LCE1D: variants seen among roughly 807,000 people sequenced by gnomAD.
LCE1D encodes the protein late cornified envelope protein 1D.
For missense variants in LCE1D, 86 were observed against 164.4 expected (o/e 0.52, Z 2.61); for synonymous variants, 44 against 65.0 (o/e 0.68, Z 1.55).
chr1:152,797,591 T>C (rs1652093624), intron 1 of LCE1D, among the ~76,000 whole-genome samples, 182 bp from the exon 2 acceptor site: 1 of 135,728 alleles, frequency 7.4e-6, no homozygotes, highest in Non-Finnish European at 1.7e-5. Flanking sequence ...TATTGTTTAG[T>C]CTTAGTTTAC....
In LCE1D at chr1:152,797,970, A is replaced by C. The variant is rs7527180; in HGVS notation, c.176A>C (p.Asn59Thr). The change falls in exon 2 of 2, where the codon AAC becomes ACC. Residue 59 changes from asparagine to threonine, a missense_variant. By Grantham distance (65) the Asn-to-Thr change is moderately conservative (BLOSUM62 0). Coordinates refer to ENST00000326233, the MANE Select transcript of LCE1D (RefSeq NM_178352.3). ...GSSSGGGCGS[N>T]SGGCCSSGGG... ...AGCTCTGGGGGCGGCTGTGGCTCCA[A>C]CTCTGGGGGCTGCTGCAGCTCTGGG... is the stretch of plus-strand genomic sequence containing the variant. The C allele has an allele frequency of 7.1e-7, 1 of 1,403,294 alleles. No homozygotes were observed. 86.9% of individuals were successfully genotyped at this position (1,403,294 alleles called of 1,614,324 possible).
rs1409304521 is a variant in LCE1D, at chr1:152,796,988, T to C, written c.-23+217T>C. Among the ~76,000 whole-genome samples, 2 of 135,346 alleles carry C rather than the reference T, an allele frequency of 1.5e-5. 1 individual carries two copies. The highest frequency in any genetic ancestry group is 3.4e-5 in the Non-Finnish European group (2 of 58,816). 88.8% of individuals were successfully genotyped at this position (135,346 alleles called of 152,430 possible). A position where few individuals can be genotyped will look rare whatever the true frequency, so the allele number is the denominator to read the frequency against. On this transcript the variant is annotated intron_variant, in intron 1 of 1. Transcript: ENST00000326233. ...TTGAACTCTAGAGGAAACAAACTGCTCTGGGATGAGGTGGGTGTTCCAGAG... is the reference window on the plus strand; with the variant it reads ...TTGAACTCTAGAGGAAACAAACTGCCCTGGGATGAGGTGGGTGTTCCAGAG...
At position 152,797,423 on chromosome 1, in the gene LCE1D, C is replaced by G. The variant is rs1309255477; in HGVS notation, c.-22-350C>G. ...TGCTGACCTTCCAAAGTAAAATCGTCTTGCAAATTATGACCAGAGAGAATG... is the reference window on the plus strand; with the variant it reads ...TGCTGACCTTCCAAAGTAAAATCGTGTTGCAAATTATGACCAGAGAGAATG... On this transcript the variant is annotated intron_variant, in intron 1 of 1. Coordinates refer to ENST00000326233, the MANE Select transcript of LCE1D (RefSeq NM_178352.3). Among the ~76,000 whole-genome samples, 4 of 135,782 alleles carry G rather than the reference C, an allele frequency of 2.9e-5. 2 individuals carry two copies. The highest frequency in any genetic ancestry group is 1.1e-4 in the African/African-American group (4 of 38,034). 89.1% of individuals were successfully genotyped at this position (135,782 alleles called of 152,430 possible).
In LCE1D at chr1:152,797,816, C is replaced by A. The variant is rs1388998237; in HGVS notation, c.22C>A (p.Gln8Lys). ...CGAGATGTCCTGCCAGCAGAGCCAG[C>A]AGCAGTGCCAGCCCCCTCCCAAGTG... MSCQQSQ[Q>K]QCQPPPKCTP... The change falls in exon 2 of 2, where the codon CAG (glutamine) becomes AAG (lysine). Residue 8 changes from glutamine (Q) to lysine (K), a missense_variant. Physicochemically the swap from Gln to Lys is moderately conservative, Grantham distance 53 (BLOSUM62 1). Coordinates refer to ENST00000326233, the MANE Select transcript of LCE1D (RefSeq NM_178352.3). 6 of 1,438,724 alleles carry A rather than the reference C, an allele frequency of 4.2e-6. 1 individual carries two copies. The South Asian group carries it at 6.9e-5, about 16-fold the overall frequency. 89.1% of individuals were successfully genotyped at this position (1,438,724 alleles called of 1,614,324 possible).
chr1:152,797,721 G>T, intron 1 of LCE1D, 52 bp from the exon 2 acceptor site: 1 of 1,156,230 alleles, frequency 8.6e-7, no homozygotes, highest in Non-Finnish European at 1.3e-6. Flanking sequence ...AGTGTCACAG[G>T]GGCAGAGGTG....
rs142122466 is a variant in LCE1D, at chr1:152,798,058, C to T, written c.264C>T (p.Ser88=). The T allele has an allele frequency of 2.1e-6, 3 of 1,436,520 alleles. 1 individual carries two copies. Among genetic ancestry groups the T allele is most frequent in the African/African-American group, 2.9e-5 (2 of 69,500 alleles). 89.0% of individuals were successfully genotyped at this position (1,436,520 alleles called of 1,614,324 possible). ...RHRSHRRRPQ[S]SDCCSQPSGG... The stretch of plus-strand genomic sequence containing the variant: ...GGTCCCACCGTCGCAGACCCCAGAG[C>T]TCTGACTGCTGCAGCCAGCCCTCGG... The change falls in exon 2 of 2, where the codon AGC becomes AGT. Residue 88 remains serine (S), a synonymous_variant. Transcript: ENST00000326233.
In LCE1D at chr1:152,797,835, C is replaced by T. The variant is rs764190871; in HGVS notation, c.41C>T (p.Pro14Leu). ...QQSQQQCQPPPKCTPKCTPKC... is the reference protein window; with the variant it reads ...QQSQQQCQPPLKCTPKCTPKC... ...AGCCAGCAGCAGTGCCAGCCCCCTC[C>T]CAAGTGCACTCCCAAGTGCACTCCC... is the stretch of plus-strand genomic sequence containing the variant. Residue 14 changes from proline to leucine, a missense_variant, in exon 2 of 2, where the codon CCC becomes CTC. By Grantham distance (98) the Pro-to-Leu change is moderately conservative. Coordinates refer to ENST00000326233, the MANE Select transcript of LCE1D (RefSeq NM_178352.3). 12 of 1,436,404 alleles carry T rather than the reference C, an allele frequency of 8.4e-6. 2 individuals are homozygous for T. The African/African-American group carries it at 1.5e-4, about 17-fold the overall frequency. The allele number at this position is 1,436,404 out of a possible 1,614,324, so 89.0% of individuals were successfully genotyped here.
Position 152,797,723 on chromosome 1 carries a change from G to T in LCE1D, c.-22-50G>T. 2 of 1,205,798 alleles carry T rather than the reference G, an allele frequency of 1.7e-6. 1 individual carries two copies. The highest frequency in any genetic ancestry group is 2.4e-6 in the Non-Finnish European group (2 of 830,032). The allele number at this position is 1,205,798 out of a possible 1,614,324, so 74.7% of individuals were successfully genotyped here. A position where few individuals can be genotyped will look rare whatever the true frequency, so the allele number is the denominator to read the frequency against. On this transcript the variant is annotated intron_variant, in intron 1 of 1. Coordinates refer to ENST00000326233, the MANE Select transcript of LCE1D (RefSeq NM_178352.3). The stretch of plus-strand genomic sequence containing the variant: ...GAGAGGTGCTAAGAGTGTCACAGGG[G>T]CAGAGGTGGCCTCTGCCTGGGTCTG...
At position 152,797,767 on chromosome 1, in the gene LCE1D, C is replaced by T. The variant is rs763990407; in HGVS notation, c.-22-6C>T. The T allele has an allele frequency of 7.0e-6, 10 of 1,426,904 alleles. 1 individual carries two copies. Among genetic ancestry groups the T allele is most frequent in the Non-Finnish European group, 9.8e-6 (10 of 1,024,282 alleles). 88.4% of individuals were successfully genotyped at this position (1,426,904 alleles called of 1,614,324 possible). ...GGGTCTGACTTGTTATTTGACTCTC[C>T]CTCAGCTCCTGAACACCCACCACCG... On this transcript the variant is annotated splice_region_variant and splice_polypyrimidine_tract_variant and intron_variant, in intron 1 of 1. Coordinates refer to ENST00000326233, the MANE Select transcript of LCE1D (RefSeq NM_178352.3).
chr1:152,797,958 G>T lies in LCE1D; in HGVS notation c.164G>T (p.Gly55Val). 1 of 1,479,790 alleles carries T rather than the reference G, an allele frequency of 6.8e-7. No individual in the cohort carries two copies. The highest frequency in any genetic ancestry group is 9.3e-7 in the Non-Finnish European group (1 of 1,071,012). 91.7% of individuals were successfully genotyped at this position (1,479,790 alleles called of 1,614,324 possible). ...GGCCGSSSGG[G>V]CGSNSGGCCS... The stretch of plus-strand genomic sequence containing the variant: ...TGCTGTGGCTCCAGCTCTGGGGGCG[G>T]CTGTGGCTCCAACTCTGGGGGCTGC... The change falls in exon 2 of 2, where the codon GGC becomes GTC. Residue 55 changes from glycine (G) to valine (V), a missense_variant. Gly to Val is a moderately radical substitution (Grantham distance 109). Coordinates refer to ENST00000326233, the MANE Select transcript of LCE1D (RefSeq NM_178352.3).
rs765996981 is a variant in LCE1D, at chr1:152,797,993, G to C, written c.199G>C (p.Gly67Arg). ...CAACTCTGGGGGCTGCTGCAGCTCT[G>C]GGGGTGGTGGCTGCTGCCTGAGCCA... ...GSNSGGCCSS[G>R]GGGCCLSHHR... is the part of the protein sequence containing the mutation. Residue 67 changes from glycine (G) to arginine (R), a missense_variant, in exon 2 of 2, where the codon GGG becomes CGG. Transcript: ENST00000326233. 1.5e-5 allele frequency: 22 copies of C among 1,440,392 alleles called. 1 individual carries two copies. The South Asian group carries it at 2.5e-4, about 16-fold the overall frequency. 89.2% of individuals were successfully genotyped at this position (1,440,392 alleles called of 1,614,324 possible).
intron 1 of LCE1D, among the ~76,000 whole-genome samples, chr1:152,797,015 G>A (rs1313717448): frequency 7.4e-6 from 1 of 135,688 alleles, no homozygotes; most frequent in African/African-American, 2.6e-5. Flanking sequence ...GTTCCAGAGT[G>A]GGAACTTTGA....
At position 152,798,105 on chromosome 1, in the gene LCE1D, G is replaced by A. The variant is rs1652111104; in HGVS notation, c.311G>A (p.Gly104Glu). The change falls in exon 2 of 2, where the codon GGG becomes GAG. Residue 104 changes from glycine to glutamate, a missense_variant. Coordinates refer to ENST00000326233, the MANE Select transcript of LCE1D (RefSeq NM_178352.3). Reference sequence around the variant, plus strand: ...TCGGGGGGCTCCAGCTGCTGCGGTGGGGGCAGCAGCCAGCACTCTGGAGGC... The same window carrying A: ...TCGGGGGGCTCCAGCTGCTGCGGTGAGGGCAGCAGCCAGCACTCTGGAGGC... Reference protein sequence around the residue: ...QPSGGSSCCGGGSSQHSGGCC With the variant: ...QPSGGSSCCGEGSSQHSGGCC The A allele has an allele frequency of 7.0e-7, 1 of 1,418,954 alleles. No homozygotes were observed. Among genetic ancestry groups the A allele is most frequent in the Non-Finnish European group, 9.8e-7 (1 of 1,022,432 alleles). 87.9% of individuals were successfully genotyped at this position (1,418,954 alleles called of 1,614,324 possible).
Position 152,797,539 on chromosome 1 carries a change from C to T in LCE1D, c.-22-234C>T, listed in dbSNP as rs1210400789. On this transcript the variant is annotated intron_variant, in intron 1 of 1. Coordinates refer to ENST00000326233, the MANE Select transcript of LCE1D (RefSeq NM_178352.3). ...TAAGATATATTTGTAATAATTTCTT[C>T]CTCCACTGACAACACATCAGAATCT... 2.9e-5 allele frequency among the ~76,000 whole-genome samples: 4 copies of T among 135,596 alleles called. No individual in the cohort carries two copies. In the East Asian group the frequency reaches 7.8e-4, roughly 26 times the overall value. The allele number at this position is 135,596 out of a possible 152,430, so 89.0% of individuals were successfully genotyped here.
At position 152,797,447 on chromosome 1, in the gene LCE1D, T is replaced by C. The variant is rs1652091619; in HGVS notation, c.-22-326T>C. Among the ~76,000 whole-genome samples, 3 of 136,042 alleles carry C rather than the reference T, an allele frequency of 2.2e-5. 1 individual carries two copies. Among genetic ancestry groups the C allele is most frequent in the African/African-American group, 7.9e-5 (3 of 38,140 alleles). 89.2% of individuals were successfully genotyped at this position (136,042 alleles called of 152,430 possible). A position where few individuals can be genotyped will look rare whatever the true frequency, so the allele number is the denominator to read the frequency against. On this transcript the variant is annotated intron_variant, in intron 1 of 1. Coordinates refer to ENST00000326233, the MANE Select transcript of LCE1D (RefSeq NM_178352.3). ...TCTTGCAAATTATGACCAGAGAGAA[T>C]GACTGCTTCTTCTCCTTTAAAAATA...
At chr1:152,797,684 A>G in intron 1 of LCE1D, 89 bp from the exon 2 acceptor site, 1 of 845,032 alleles carries the variant, frequency 1.2e-6, no homozygotes, top group Non-Finnish European at 1.9e-6. Context: ...ACTGAAGATG[A>G]TGCTTTTAAA....
At position 152,798,040 on chromosome 1, in the gene LCE1D, C is replaced by T. The variant is rs542689610; in HGVS notation, c.246C>T (p.His82=). The T allele has an allele frequency of 1.6e-5, 23 of 1,439,054 alleles. 5 individuals are homozygous for T. The South Asian group carries it at 2.5e-4, about 16-fold the overall frequency. 89.1% of individuals were successfully genotyped at this position (1,439,054 alleles called of 1,614,324 possible). The change falls in exon 2 of 2, where the codon CAC becomes CAT. Residue 82 remains histidine, a synonymous_variant. Transcript: ENST00000326233. ...GCCACCACAGGCGCCACAGGTCCCA[C>T]CGTCGCAGACCCCAGAGCTCTGACT... ...CLSHHRRHRS[H]RRRPQSSDCC...
At position 152,797,504 on chromosome 1, in the gene LCE1D, A is replaced by G. The variant is rs1020591924; in HGVS notation, c.-22-269A>G. On this transcript the variant is annotated intron_variant, in intron 1 of 1. Coordinates refer to ENST00000326233, the MANE Select transcript of LCE1D (RefSeq NM_178352.3). The stretch of plus-strand genomic sequence containing the variant: ...TCTTAAATGACTCATAAATTAGACA[A>G]TTTCAGTCTTAAGATATATTTGTAA... Among the ~76,000 whole-genome samples, 3 of 135,334 alleles carry G rather than the reference A, an allele frequency of 2.2e-5. 1 individual carries two copies. Among genetic ancestry groups the G allele is most frequent in the Non-Finnish European group, 5.1e-5 (3 of 58,814 alleles). The allele number at this position is 135,334 out of a possible 152,430, so 88.8% of individuals were successfully genotyped here. A position where few individuals can be genotyped will look rare whatever the true frequency, so the allele number is the denominator to read the frequency against.
chr1:152,797,317 C>A (rs1402266520), intron 1 of LCE1D, among the ~76,000 whole-genome samples: 1 of 134,776 alleles, frequency 7.4e-6, no homozygotes, highest in Non-Finnish European at 1.7e-5. Flanking sequence ...GGTTCAAGTA[C>A]TAGTCTGCAG....
Sources: allele counts gnomAD v4.1 joint callset (sites outside exome capture counted in the v4.1 genomes callset), GRCh38; gene constraint gnomAD v4.1.1; transcripts MANE v1.5; gene names NCBI Gene and HGNC (gene_info 2026-07-23, HGNC 2026-07-21).